The following MOG variants were observed in gnomAD, a reference collection of about 807,000 sequenced individuals.
MOG encodes myelin oligodendrocyte glycoprotein, also known as myelin-oligodendrocyte glycoprotein.
A neutral mutation model predicts 35.9 loss-of-function variants in MOG; 20 were observed. That is an observed-to-expected ratio of 0.56 (90% CI 0.39 to 0.81). MOG has a LOEUF of 0.81. MOG is among the 30% of genes least tolerant of loss of function. MOG has a pLI of 0.00. For missense variants in MOG, 251 were observed against 301.0 expected (o/e 0.83, Z 1.23); for synonymous variants, 92 against 114.3 (o/e 0.80, Z 1.25).
chr6:29,667,032 A>T (rs1323171344), intron 3 of MOG, among the ~76,000 whole-genome samples: 2 of 152,200 alleles, frequency 1.3e-5, no homozygotes, highest in African/African-American at 4.8e-5. Flanking sequence ...CTTCCACACA[A>T]AAAAAGGCCT....
At position 29,662,589 on chromosome 6, in the gene MOG, G is replaced by T. The variant is rs2907896; in HGVS notation, c.436+2923G>T. 2.6e-5 allele frequency among the ~76,000 whole-genome samples: 4 copies of T among 151,716 alleles called. No individual in the cohort carries two copies. The highest frequency in any genetic ancestry group is 5.9e-5 in the Non-Finnish European group (4 of 67,962). ...CAATCCAGGGACCACCCACCTCACC[G>T]GCTCCCCACTCATTACCACCCTCCC... is the stretch of plus-strand genomic sequence containing the variant. On this transcript the variant is annotated intron_variant, in intron 2 of 7. Transcript: ENST00000376917. This position sits in a 1 kb window ranked among gnomAD's most constrained non-coding sequence, Gnocchi z 4.2.
In MOG at chr6:29,661,784, C is replaced by T. The variant is rs192435735; in HGVS notation, c.436+2118C>T. The T allele has an allele frequency of 2.7e-4, 263 of 977,894 alleles. 1 individual carries two copies. In the South Asian group the frequency reaches 8.3e-3, roughly 31 times the overall value. The allele number at this position is 977,894 out of a possible 1,614,324, so 60.6% of individuals were successfully genotyped here. A position where few individuals can be genotyped will look rare whatever the true frequency, so the allele number is the denominator to read the frequency against. ...TGAGCCAAGATCGTGCCATTACACT[C>T]CAGTCTGGGCAAGAAAAGTGGAACT... On this transcript the variant is annotated intron_variant, in intron 2 of 7. Transcript: ENST00000376917.
chr6:29,668,026 T>A, intron 5 of MOG, 102 bp downstream of exon 5: 1 of 1,023,432 alleles, frequency 9.8e-7, no homozygotes, highest in Non-Finnish European at 1.5e-6. Flanking sequence ...GTTGAGTCCC[T>A]TCCTCTCTTC....
At chr6:29,664,788 G>A (rs2907895) in intron 2 of MOG, 15,823 of 335,394 alleles carry the variant, frequency 0.047, 874 homozygotes, top group African/African-American at 0.17. Flanking sequence ...ATTTTTTTTC[G>A]TAGAGGCAGG....
chr6:29,671,881 C>T lies in MOG; in HGVS notation c.*696C>T, dbSNP rs542011538. 132 of 214,182 alleles carry T rather than the reference C, an allele frequency of 6.2e-4. No individual in the cohort carries two copies. Among genetic ancestry groups the T allele is most frequent in the Non-Finnish European group, 9.7e-4 (103 of 106,438 alleles). 13.3% of individuals were successfully genotyped at this position (214,182 alleles called of 1,614,324 possible). On this transcript the variant is annotated 3_prime_UTR_variant, in exon 8 of 8. Transcript: ENST00000376917. ...TCTTCCACAGGTCTCAGAATCTTTC[C>T]TTCCTCTCATCCTTTTCTCCTATCT...
chr6:29,670,430 A>G lies in MOG; in HGVS notation c.709+33A>G. On this transcript the variant is annotated intron_variant, in intron 6 of 7. Coordinates refer to ENST00000376917, the MANE Select transcript of MOG (RefSeq NM_206809.4). This position sits in a 1 kb window ranked among gnomAD's most constrained non-coding sequence, Gnocchi z 4.2. ...GGCTGGGCAGCAGGCAAGACCACCA[A>G]ATAGTGGGGGACCAAGTCAGCTCTG... The G allele has an allele frequency of 6.3e-7, 1 of 1,599,888 alleles. No homozygotes were observed. The highest frequency in any genetic ancestry group is 1.1e-5 in the South Asian group (1 of 90,786).
intron 2 of MOG, chr6:29,664,893 G>C (rs181919872): frequency 4.2e-4 from 109 of 257,140 alleles, no homozygotes; most frequent in African/African-American, 2.2e-3. Flanking sequence ...TTACAGGGGA[G>C]AGCCACCACA....
intron 1 of MOG, 82 bp from the exon 2 acceptor site, chr6:29,659,237 T>G: frequency 7.6e-7 from 1 of 1,313,406 alleles, no homozygotes. Flanking sequence ...CTTCCCTGTT[T>G]TGAAGCAGCC....
Position 29,662,212 on chromosome 6 carries a change from G to A in MOG, c.436+2546G>A, listed in dbSNP as rs1768954565. On this transcript the variant is annotated intron_variant, in intron 2 of 7. Transcript: ENST00000376917. This position sits in a 1 kb window ranked among gnomAD's most constrained non-coding sequence, Gnocchi z 4.2. ...AAACATAAAAACAAATGCCAGGCGCGGCAGCTCACGCCTGTAATCCCAGCA... is the reference window on the plus strand; with the variant it reads ...AAACATAAAAACAAATGCCAGGCGCAGCAGCTCACGCCTGTAATCCCAGCA... 1 of 983,612 alleles carries A rather than the reference G, an allele frequency of 1.0e-6. No individual in the cohort carries two copies. Among genetic ancestry groups the A allele is most frequent in the Non-Finnish European group, 1.2e-6 (1 of 828,466 alleles). The allele number at this position is 983,612 out of a possible 1,614,324, so 60.9% of individuals were successfully genotyped here.
At chr6:29,659,211 G>A in intron 1 of MOG, 108 bp from the exon 2 acceptor site, 1 of 931,472 alleles carries the variant, frequency 1.1e-6, no homozygotes, top group Non-Finnish European at 1.7e-6. Flanking sequence ...TCATTTAAAA[G>A]TCGAGTGTCT....
chr6:29,670,348 C>T lies in MOG; in HGVS notation c.660C>T (p.Pro220=), dbSNP rs556652742. The T allele has an allele frequency of 6.2e-7, 1 of 1,614,172 alleles. No homozygotes were observed. Among genetic ancestry groups the T allele is most frequent in the South Asian group, 1.1e-5 (1 of 91,078 alleles). The change falls in exon 6 of 8, where the codon CCC becomes CCT. Residue 220 remains proline, a synonymous_variant. Coordinates refer to ENST00000376917, the MANE Select transcript of MOG (RefSeq NM_206809.4). This position sits in a 1 kb window ranked among gnomAD's most constrained non-coding sequence, Gnocchi z 4.2. ...TLFVIVPVLG[P]LVALIICYNW... is the part of the protein sequence containing the mutation. ...TTGTAATTGTGCCGGTTCTTGGACC[C>T]TTGGTTGCCTTGATCATCTGCTACA...
In MOG at chr6:29,672,333, T is replaced by A. The variant is rs571084311; in HGVS notation, c.*1148T>A. 28 of 301,194 alleles carry A rather than the reference T, an allele frequency of 9.3e-5. No homozygotes were observed. Among genetic ancestry groups the A allele is most frequent in the Non-Finnish European group, 1.3e-4 (22 of 174,050 alleles). 18.7% of individuals were successfully genotyped at this position (301,194 alleles called of 1,614,324 possible). ...ATAAATAAATAAATAAATAAATAAA[T>A]AAAAAATAATAATACAAGTTTTCAT... On this transcript the variant is annotated 3_prime_UTR_variant, in exon 8 of 8. Coordinates refer to ENST00000376917, the MANE Select transcript of MOG (RefSeq NM_206809.4).
chr6:29,659,140 G>A (rs9468572), intron 1 of MOG, among the ~76,000 whole-genome samples, 179 bp from the exon 2 acceptor site: 13,090 of 151,550 alleles, frequency 0.086, 834 homozygotes, highest in African/African-American at 0.17. Context: ...AAAAATAAAT[G>A]AATAAATAAA....
Position 29,659,518 on chromosome 6 carries a change from C to T in MOG, c.288C>T (p.Gly96=), listed in dbSNP as rs1413166921. ...GAGACCAGGCACCTGAATATCGGGG[C>T]CGGACAGAGCTGCTGAAAGATGCTA... is the stretch of plus-strand genomic sequence containing the variant. ...QDGDQAPEYR[G]RTELLKDAIG... The change falls in exon 2 of 8, where the codon GGC becomes GGT. Residue 96 remains glycine (G), a synonymous_variant. Coordinates refer to ENST00000376917, the MANE Select transcript of MOG (RefSeq NM_206809.4). The T allele has an allele frequency of 6.2e-7, 1 of 1,613,004 alleles. No homozygotes were observed. The highest frequency in any genetic ancestry group is 1.1e-5 in the South Asian group (1 of 91,080).
At chr6:29,668,932 T>C (rs1160304479) in intron 5 of MOG, among the ~76,000 whole-genome samples, 1 of 150,738 alleles carries the variant, frequency 6.6e-6, no homozygotes. Context: ...AATGTTTCTT[T>C]TTTTTTTTTT....
chr6:29,659,837 A>G (rs1247078651), intron 2 of MOG, 171 bp downstream of exon 2: 1 of 661,700 alleles, frequency 1.5e-6, no homozygotes, highest in African/African-American at 1.8e-5. Flanking sequence ...CTGTTGCATC[A>G]TTATTCAGAG....
chr6:29,670,854 G>A lies in MOG; in HGVS notation c.730+133G>A, dbSNP rs766745358. ...AAGGAGGAGCTGGAGAGCCTGGGTG[G>A]AGGGAAGACTCCTCCTGGGAGGTAG... is the stretch of plus-strand genomic sequence containing the variant. On this transcript the variant is annotated intron_variant, in intron 7 of 7. Coordinates refer to ENST00000376917, the MANE Select transcript of MOG (RefSeq NM_206809.4). This position sits in a 1 kb window ranked among gnomAD's most constrained non-coding sequence, Gnocchi z 4.2. 10 of 1,580,306 alleles carry A rather than the reference G, an allele frequency of 6.3e-6. No homozygotes were observed. The highest frequency in any genetic ancestry group is 3.4e-6 in the Non-Finnish European group (4 of 1,162,400).
chr6:29,658,533 T>C (rs1180531543), intron 1 of MOG, among the ~76,000 whole-genome samples: 3 of 152,118 alleles, frequency 2.0e-5, no homozygotes, highest in African/African-American at 7.2e-5. Context: ...TGAGAAGTGA[T>C]GGAGAGACAG....
At chr6:29,668,555 T>C (rs1770714896) in intron 5 of MOG, among the ~76,000 whole-genome samples, 1 of 152,222 alleles carries the variant, frequency 6.6e-6, no homozygotes, top group African/African-American at 2.4e-5. Context: ...GATGGTACCT[T>C]CTCTGAGCAA....
Sources: gnomAD v4.1 joint callset for allele counts (sites outside exome capture counted in the v4.1 genomes callset) on GRCh38, gnomAD v4.1.1 for gene constraint, Gnocchi (gnomAD v3.1) non-coding constraint, MANE v1.5 for transcripts, NCBI Gene and HGNC (gene_info 2026-07-23, HGNC 2026-07-21) for gene names.